The following SMARCC2 variants were observed in gnomAD, a reference collection of about 807,000 sequenced individuals.
SMARCC2 encodes the protein SWI/SNF related BAF chromatin remodeling complex subunit C2.
Under a neutral mutation model 151.3 loss-of-function variants are expected in SMARCC2, and 15 were observed. The observed-to-expected ratio is 0.10, with a 90% CI of 0.07 to 0.15. The LOEUF (loss-of-function observed/expected upper bound fraction) is 0.15, where lower values mean the gene tolerates loss of function less well. SMARCC2 is among the 10% of genes least tolerant of loss of function. The pLI is 1.00. For missense variants in SMARCC2, 1,031 were observed against 1,599.7 expected (o/e 0.64, Z 6.06); for synonymous variants, 590 against 609.5 (o/e 0.97, Z 0.47).
intron 22 of SMARCC2, 145 bp from the exon 23 acceptor site, chr12:56,170,353 C>A: frequency 1.4e-6 from 1 of 704,184 alleles, no homozygotes; most frequent in South Asian, 1.6e-5. Context: ...ATCCTCCCAC[C>A]TCAGCCTCCT....
chr12:56,185,910 G>C, intron 3 of SMARCC2: 1 of 518,470 alleles, frequency 1.9e-6, no homozygotes, highest in Non-Finnish European at 3.4e-6. Flanking sequence ...GACAAAAAAA[G>C]GTTTGAGATG....
chr12:56,181,861 G>A, intron 8 of SMARCC2, 26 bp from the exon 9 acceptor site: 1 of 1,613,976 alleles, frequency 6.2e-7, no homozygotes, highest in Non-Finnish European at 8.5e-7. Flanking sequence ...AGATCATGCT[G>A]CAGAGAAGCC....
At chr12:56,179,078 T>C (rs1875609316) in intron 11 of SMARCC2, 22 bp from the exon 12 acceptor site, 10 of 1,612,396 alleles carry the variant, frequency 6.2e-6, no homozygotes, top group Non-Finnish European at 8.5e-6. Flanking sequence ...GAGAGTCATT[T>C]TATCAGACAG....
Position 56,163,459 on chromosome 12 carries a change from C to T in SMARCC2, c.*230G>A, listed in dbSNP as rs1229529761. 4 of 346,194 alleles carry T rather than the reference C, an allele frequency of 1.2e-5. No individual in the cohort carries two copies. Among genetic ancestry groups the T allele is most frequent in the Non-Finnish European group, 1.6e-5 (3 of 192,238 alleles). 21.4% of individuals were successfully genotyped at this position (346,194 alleles called of 1,614,324 possible). On this transcript the variant is annotated 3_prime_UTR_variant, in exon 29 of 29. Transcript: ENST00000550164. ...CTTTAGGGCAGCATTCCCATCCTATCCTCTCTCCCAGACATTATAAACATC... is the reference window on the plus strand; with the variant it reads ...CTTTAGGGCAGCATTCCCATCCTATTCTCTCTCCCAGACATTATAAACATC...
intron 1 of SMARCC2, among the ~76,000 whole-genome samples, chr12:56,188,721 G>T (rs1447316127): frequency 2.6e-5 from 4 of 152,158 alleles, no homozygotes; most frequent in Non-Finnish European, 4.4e-5. Flanking sequence ...GAAAGGTTTC[G>T]GAAGGGGCCG....
intron 1 of SMARCC2, 54 bp from the exon 2 acceptor site, chr12:56,187,360 T>C (rs1056085926): frequency 6.5e-7 from 1 of 1,537,436 alleles, no homozygotes; most frequent in East Asian, 2.3e-5. Context: ...AATTGTCCAC[T>C]ATCTCCCATA....
chr12:56,163,879 T>C, intron 28 of SMARCC2, 114 bp from the exon 29 acceptor site: 1 of 622,074 alleles, frequency 1.6e-6, no homozygotes, highest in East Asian at 3.4e-5. Flanking sequence ...GGTGGATGAA[T>C]GAGGTACCCA....
At position 56,171,743 on chromosome 12, in the gene SMARCC2, A is replaced by G. The variant is rs968998921; in HGVS notation, c.2121T>C (p.Thr707=). Residue 707 remains threonine, a synonymous_variant, in exon 21 of 29, where the codon ACT becomes ACC. Coordinates refer to ENST00000550164, the MANE Select transcript of SMARCC2 (RefSeq NM_001330288.2). This position sits in a 1 kb window ranked among gnomAD's most constrained non-coding sequence, Gnocchi z 4.2. Reference sequence around the variant, plus strand: ...CGACGACAGAGGCCAGGAAGGCAACAGTGCTCATAACAGGGTTGCCCGACT... The same window carrying G: ...CGACGACAGAGGCCAGGAAGGCAACGGTGCTCATAACAGGGTTGCCCGACT... ...FSQSGNPVMS[T]VAFLASVVDP... 9 of 1,605,040 alleles carry G rather than the reference A, an allele frequency of 5.6e-6. No homozygotes were observed. The highest frequency in any genetic ancestry group is 6.8e-6 in the Non-Finnish European group (8 of 1,175,584).
chr12:56,184,770 C>T, intron 5 of SMARCC2, 74 bp downstream of exon 5: 1 of 884,550 alleles, frequency 1.1e-6, no homozygotes, highest in Non-Finnish European at 1.9e-6. Context: ...TAATTCAGGG[C>T]TGCTGCTTGG....
intron 15 of SMARCC2, among the ~76,000 whole-genome samples, chr12:56,176,875 G>A (rs1485017263): frequency 2.0e-5 from 3 of 151,902 alleles, no homozygotes; most frequent in Middle Eastern, 3.4e-3. Flanking sequence ...AGGCTGGAGT[G>A]CAATGGCGTA....
At chr12:56,187,094 C>G in intron 2 of SMARCC2, 93 bp downstream of exon 2, 1 of 1,384,844 alleles carries the variant, frequency 7.2e-7, no homozygotes, top group Non-Finnish European at 9.8e-7. Flanking sequence ...TCAAAAATTA[C>G]AAAATTCACA....
intron 16 of SMARCC2, 67 bp from the exon 17 acceptor site, chr12:56,173,916 G>C: frequency 6.8e-7 from 1 of 1,480,222 alleles, no homozygotes; most frequent in Non-Finnish European, 9.2e-7. Flanking sequence ...AAGAGGAAAA[G>C]TGGGGGGTAG....
chr12:56,164,720 A>C lies in SMARCC2; in HGVS notation c.3244T>G (p.Phe1082Val), dbSNP rs1398779000. ...PPPGPHGPSP[F>V]PNQQTPPSMM... The stretch of plus-strand genomic sequence containing the variant: ...GAGGGAGGAGTTTGTTGGTTGGGGA[A>C]CGGTGAGGGGCCTGAGAATAAAGAT... Residue 1082 changes from phenylalanine to valine, a missense_variant, in exon 28 of 29, where the codon TTC (phenylalanine) becomes GTC (valine). Physicochemically the swap from Phe to Val is conservative, Grantham distance 50. Coordinates refer to ENST00000550164, the MANE Select transcript of SMARCC2 (RefSeq NM_001330288.2). 4 of 1,608,050 alleles carry C rather than the reference A, an allele frequency of 2.5e-6. No homozygotes were observed. The highest frequency in any genetic ancestry group is 3.4e-6 in the Non-Finnish European group (4 of 1,177,140).
intron 3 of SMARCC2, 52 bp downstream of exon 3, chr12:56,186,103 A>G (rs530880024): frequency 1.6e-6 from 2 of 1,261,510 alleles, no homozygotes; most frequent in Non-Finnish European, 2.3e-6. Flanking sequence ...GGAATCAAAA[A>G]GGGGGATTTC....
At chr12:56,184,639 C>T in intron 5 of SMARCC2, 1 of 581,930 alleles carries the variant, frequency 1.7e-6, no homozygotes, top group Non-Finnish European at 3.1e-6. Flanking sequence ...GTCTCTAGAA[C>T]AGTAATGCAA....
At position 56,184,172 on chromosome 12, in the gene SMARCC2, C is replaced by A; in HGVS notation, c.562+3G>T. 2 of 1,611,594 alleles carry A rather than the reference C, an allele frequency of 1.2e-6. No individual in the cohort carries two copies. The highest frequency in any genetic ancestry group is 3.3e-5 in the Admixed American group (2 of 59,984). ...CAAGTGGACAGGAAAACCCAGGTCT[C>A]ACCTTCTTCTAGATTCCCCGGGACA... On this transcript the variant is annotated splice_donor_region_variant and intron_variant, in intron 6 of 28. Transcript: ENST00000550164.
Position 56,171,530 on chromosome 12 carries a change from G to A in SMARCC2, c.2186-98C>T. On this transcript the variant is annotated intron_variant, in intron 21 of 28. Coordinates refer to ENST00000550164, the MANE Select transcript of SMARCC2 (RefSeq NM_001330288.2). The surrounding 1 kb of genome is among the most constrained non-coding windows in gnomAD (Gnocchi z 4.2). ...CTCACAAGCCCATGTCTTCATCTAA[G>A]CTAGTATGGAGCCTAGACAGGTGCC... 1 of 1,549,406 alleles carries A rather than the reference G, an allele frequency of 6.5e-7. No individual in the cohort carries two copies. The highest frequency in any genetic ancestry group is 1.4e-5 in the African/African-American group (1 of 73,662).
chr12:56,172,789 G>C (rs2135690392), intron 18 of SMARCC2, 85 bp from the exon 19 acceptor site: 2 of 1,593,714 alleles, frequency 1.3e-6, no homozygotes, highest in Non-Finnish European at 1.7e-6. Flanking sequence ...GACAGAAGGA[G>C]CTTCTTTCCC....
At chr12:56,184,484 G>A in intron 5 of SMARCC2, 1 of 557,714 alleles carries the variant, frequency 1.8e-6, no homozygotes, top group South Asian at 2.4e-5. Context: ...ATCTATACAT[G>A]GGAAATTTAA....
Sources: gnomAD v4.1 joint callset for allele counts (sites outside exome capture counted in the v4.1 genomes callset) on GRCh38, gnomAD v4.1.1 for gene constraint, Gnocchi (gnomAD v3.1) non-coding constraint, MANE v1.5 for transcripts, NCBI Gene and HGNC (gene_info 2026-07-23, HGNC 2026-07-21) for gene names.